Variants in MGMT observed in about 807,000 individuals in gnomAD.
MGMT encodes the protein methylated-DNA--protein-cysteine methyltransferase.
A neutral mutation model predicts 15.9 loss-of-function variants in MGMT; 14 were observed. That is an observed-to-expected ratio of 0.88 (90% CI 0.58 to 1.37). The LOEUF is 1.37. Ranked by LOEUF, MGMT falls within the 40% of genes most tolerant of loss-of-function variation. The pLI is 0.00. For synonymous variants in MGMT, 130 were observed against 118.2 expected (o/e 1.10, Z -0.65); for missense variants, 282 against 268.1 (o/e 1.05, Z -0.36).
At chr10:129,630,544 C>T (rs1847198368) in intron 2 of MGMT, among the ~76,000 whole-genome samples, 1 of 152,164 alleles carries the variant, frequency 6.6e-6, no homozygotes. Context: ...TGAAGATAAA[C>T]TCATTGCAGT....
At chr10:129,587,169 C>A (rs973405439) in intron 2 of MGMT, among the ~76,000 whole-genome samples, 1 of 151,894 alleles carries the variant, frequency 6.6e-6, no homozygotes, top group African/African-American at 2.4e-5. Flanking sequence ...TGTTCTTTAT[C>A]GCTGGCTTTG....
In MGMT at chr10:129,533,448, T is replaced by C. The variant is rs1008919715; in HGVS notation, c.-12-2793T>C. Reference sequence around the variant, plus strand: ...TGCAGCCCTGCCCGAACTGGGATGATAGAGCAGCAAACATGGCTCCATGGA... The same window carrying C: ...TGCAGCCCTGCCCGAACTGGGATGACAGAGCAGCAAACATGGCTCCATGGA... On this transcript the variant is annotated intron_variant, in intron 1 of 4. Transcript: ENST00000651593. The surrounding 1 kb of genome is among the most constrained non-coding windows in gnomAD (Gnocchi z 4.5). 1.3e-5 allele frequency among the ~76,000 whole-genome samples: 2 copies of C among 152,068 alleles called. No individual in the cohort carries two copies. The highest frequency in any genetic ancestry group is 4.8e-5 in the African/African-American group (2 of 41,430).
At chr10:129,651,296 C>G (rs1176538184) in intron 2 of MGMT, among the ~76,000 whole-genome samples, 1 of 151,932 alleles carries the variant, frequency 6.6e-6, no homozygotes, top group Non-Finnish European at 1.5e-5. Context: ...AGATTGCATT[C>G]TTTATGCATT....
chr10:129,550,902 G>A (rs1846149523), intron 2 of MGMT, among the ~76,000 whole-genome samples: 1 of 152,228 alleles, frequency 6.6e-6, no homozygotes, highest in African/African-American at 2.4e-5. Flanking sequence ...AAGAGAAGGA[G>A]TGTCCAAAGA....
chr10:129,534,568 C>G (rs555563520), intron 1 of MGMT, among the ~76,000 whole-genome samples: 51 of 151,922 alleles, frequency 3.4e-4, no homozygotes, highest in Non-Finnish European at 4.0e-4. Flanking sequence ...GACATAAATG[C>G]ACCTCTCTCT....
intron 1 of MGMT, among the ~76,000 whole-genome samples, chr10:129,494,869 A>T (rs1845504901): frequency 6.6e-6 from 1 of 151,894 alleles, no homozygotes; most frequent in South Asian, 2.1e-4. Flanking sequence ...AGTACCAGGA[A>T]CTCCTTTTTG....
intron 2 of MGMT, among the ~76,000 whole-genome samples, chr10:129,577,806 C>T (rs1846503143): frequency 6.6e-6 from 1 of 151,174 alleles, no homozygotes; most frequent in South Asian, 2.1e-4. Flanking sequence ...GGGCTAATAT[C>T]CAGAATCTAC....
intron 1 of MGMT, 89 bp downstream of exon 1, chr10:129,467,385 A>G: frequency 7.2e-7 from 1 of 1,389,558 alleles, no homozygotes; most frequent in East Asian, 3.0e-5. Context: ...AGGCGCCCTC[A>G]CTTCGCCGTC....
rs79807245 is a variant in MGMT, at chr10:129,537,763, C to T, written c.125+1386C>T. The stretch of plus-strand genomic sequence containing the variant: ...GATCAGGTTCAGGTGTAAAAACAGC[C>T]GTGAAATAATGCTAAATCCTGAATA... On this transcript the variant is annotated intron_variant, in intron 2 of 4. Transcript: ENST00000651593. Among the ~76,000 whole-genome samples the T allele has an allele frequency of 5.2e-3, 799 of 152,228 alleles. 6 individuals carry two copies. The highest frequency in any genetic ancestry group is 0.018 in the African/African-American group (753 of 41,542).
chr10:129,595,275 A>G (rs1846738131), intron 2 of MGMT, among the ~76,000 whole-genome samples: 1 of 152,168 alleles, frequency 6.6e-6, no homozygotes, highest in South Asian at 2.1e-4. Context: ...ATCAGTGGGC[A>G]TCTCGATGTT....
rs200161468 is a variant in MGMT, at chr10:129,766,916, G to C, written c.543G>C (p.Leu181Phe). The stretch of plus-strand genomic sequence containing the variant: ...GCCACCGGTTGGGGAAGCCAGGCTT[G>C]GGAGGGAGCTCAGGTCTGGCAGGGG... ...HEGHRLGKPG[L>F]GGSSGLAGAW... is the part of the protein sequence containing the mutation. Residue 181 changes from leucine (L) to phenylalanine (F), a missense_variant, in exon 5 of 5, where the codon TTG becomes TTC. Transcript: ENST00000651593. 1.9e-6 allele frequency: 3 copies of C among 1,613,330 alleles called. No homozygotes were observed. The highest frequency in any genetic ancestry group is 2.7e-5 in the African/African-American group (2 of 74,952).
At chr10:129,593,310 C>G (rs1846711421) in intron 2 of MGMT, among the ~76,000 whole-genome samples, 1 of 152,204 alleles carries the variant, frequency 6.6e-6, no homozygotes, top group South Asian at 2.1e-4. Context: ...TCGGAAGCCT[C>G]CCCTTAGAAA....
intron 2 of MGMT, chr10:129,700,142 C>CCATCGTCGT (rs1465786741): frequency 6.6e-6 from 1 of 152,108 alleles, no homozygotes; most frequent in Non-Finnish European, 1.5e-5. Context: ...GTGGTCAGTG[C>CCATCGTCGT]CATCGTCATC....
At chr10:129,498,091 G>A (rs997162768) in intron 1 of MGMT, among the ~76,000 whole-genome samples, 1 of 152,206 alleles carries the variant, frequency 6.6e-6, no homozygotes, top group Non-Finnish European at 1.5e-5. Context: ...TATTTTGTAG[G>A]ATGCCTCTCG....
At chr10:129,634,391 A>G (rs1847243063) in intron 2 of MGMT, among the ~76,000 whole-genome samples, 1 of 152,172 alleles carries the variant, frequency 6.6e-6, no homozygotes. Flanking sequence ...TTTGCATCAA[A>G]TTGGAAAATA....
chr10:129,552,207 G>A (rs571180548), intron 2 of MGMT, among the ~76,000 whole-genome samples: 7 of 152,322 alleles, frequency 4.6e-5, no homozygotes, highest in East Asian at 1.9e-4. Context: ...CGAGCGCCCC[G>A]TTTCCTGAAC....
At chr10:129,725,589 A>G (rs1848424542) in intron 3 of MGMT, among the ~76,000 whole-genome samples, 1 of 152,120 alleles carries the variant, frequency 6.6e-6, no homozygotes, top group Non-Finnish European at 1.5e-5. Flanking sequence ...TGGCATGCCT[A>G]TTGCCCCAGC....
chr10:129,737,189 G>A (rs1848573454), intron 3 of MGMT, among the ~76,000 whole-genome samples: 1 of 152,120 alleles, frequency 6.6e-6, no homozygotes, highest in Non-Finnish European at 1.5e-5. Flanking sequence ...GTCACTTTCA[G>A]GTACACCAAT....
intron 2 of MGMT, among the ~76,000 whole-genome samples, chr10:129,547,174 G>C (rs1846106368): frequency 6.6e-6 from 1 of 152,190 alleles, no homozygotes; most frequent in Admixed American, 6.5e-5. Flanking sequence ...ACAACTCAAA[G>C]GCAGTTGAGA....
Sources: gnomAD v4.1 joint callset for allele counts (sites outside exome capture counted in the v4.1 genomes callset) on GRCh38, gnomAD v4.1.1 for gene constraint, Gnocchi (gnomAD v3.1) non-coding constraint, MANE v1.5 for transcripts, NCBI Gene and HGNC (gene_info 2026-07-23, HGNC 2026-07-21) for gene names.